Variants in PIGL observed in about 807,000 individuals in gnomAD.
PIGL encodes phosphatidylinositol glycan anchor biosynthesis class L.
In PIGL, 22 loss-of-function variants were observed where a neutral mutation model predicts 31.1. That is an observed-to-expected ratio of 0.71 (90% confidence interval 0.51 to 1.01). The LOEUF is 1.01. Ranked by LOEUF, PIGL falls within the 50% of genes least tolerant of loss-of-function variation. PIGL has a pLI of 0.00. For missense variants in PIGL, 302 were observed against 315.9 expected (o/e 0.96, Z 0.33); for synonymous variants, 131 against 117.4 (o/e 1.12, Z -0.75).
chr17:16,235,395 C>T (rs2092695280), intron 2 of PIGL, among the ~76,000 whole-genome samples: 1 of 148,618 alleles, frequency 6.7e-6, no homozygotes, highest in South Asian at 2.1e-4. Context: ...GAATGTCCTG[C>T]ATTCTGGATT....
chr17:16,222,366 A>G (rs2142637483), intron 1 of PIGL, among the ~76,000 whole-genome samples: 1 of 152,124 alleles, frequency 6.6e-6, no homozygotes, highest in African/African-American at 2.4e-5. Flanking sequence ...TTGCATGAAT[A>G]ATTCATTCTA....
chr17:16,238,795 G>A (rs1379627056), intron 2 of PIGL, among the ~76,000 whole-genome samples: 1 of 149,774 alleles, frequency 6.7e-6, no homozygotes, highest in Non-Finnish European at 1.5e-5. Flanking sequence ...TGTAATCCCA[G>A]CTACTCATGA....
intron 2 of PIGL, among the ~76,000 whole-genome samples, chr17:16,265,495 C>A (rs1179521706): frequency 6.6e-6 from 1 of 152,108 alleles, no homozygotes. Flanking sequence ...GTAATCCCAG[C>A]ACTTTGGGAG....
chr17:16,317,589 C>G (rs1214637355), intron 5 of PIGL, 186 bp from the exon 6 acceptor site: 12 of 1,402,074 alleles, frequency 8.6e-6, no homozygotes. Context: ...TTCTATGGCC[C>G]TTTTACTCGT....
intron 2 of PIGL, among the ~76,000 whole-genome samples, chr17:16,297,934 C>A (rs1013972709): frequency 6.6e-6 from 1 of 152,194 alleles, no homozygotes; most frequent in Non-Finnish European, 1.5e-5. Context: ...GGCAAGCAAG[C>A]ATTACTGCCT....
At chr17:16,313,647 GGTTT>G in intron 4 of PIGL, 33 bp downstream of exon 4, 1 of 1,541,470 alleles carries the variant, frequency 6.5e-7, no homozygotes, top group Non-Finnish European at 9.0e-7. Flanking sequence ...TGTGGGGGAG[GGTTT>G]GTTTATTTGA....
chr17:16,277,145 T>C (rs1003029055), intron 2 of PIGL, among the ~76,000 whole-genome samples: 3 of 152,162 alleles, frequency 2.0e-5, no homozygotes, highest in African/African-American at 7.2e-5. Context: ...AGGGACTACG[T>C]AGACAATGTA....
chr17:16,246,036 G>A (rs1007817071), intron 2 of PIGL, among the ~76,000 whole-genome samples: 1 of 150,590 alleles, frequency 6.6e-6, no homozygotes, highest in Non-Finnish European at 1.5e-5. Context: ...TGTTAGCCAG[G>A]ATGGTCTTGA....
chr17:16,260,128 T>C (rs1249987059), intron 2 of PIGL, among the ~76,000 whole-genome samples: 1 of 152,196 alleles, frequency 6.6e-6, no homozygotes, highest in Non-Finnish European at 1.5e-5. Flanking sequence ...GAGGGGGTGC[T>C]GAGGGCAGCT....
rs189152916 is a variant in PIGL at position 16,240,164 on chromosome 17, C to G, written c.335+6094C>G. The stretch of plus-strand genomic sequence containing the variant: ...TCTGCTTGTTTAGAAGTGTATAGTA[C>G]TTCCTCCCTCTCTCTCTTGCTCCTG... On this transcript the variant is annotated intron_variant, in intron 2 of 6. Coordinates refer to ENST00000225609, the MANE Select transcript of PIGL (RefSeq NM_004278.4). 2.2e-3 allele frequency among the ~76,000 whole-genome samples: 338 copies of G among 152,212 alleles called. 4 individuals are homozygous for G. The highest frequency in any genetic ancestry group is 6.3e-4 in the Non-Finnish European group (43 of 68,016).
intron 4 of PIGL, among the ~76,000 whole-genome samples, chr17:16,316,429 G>C (rs896190123): frequency 6.6e-6 from 1 of 152,240 alleles, no homozygotes; most frequent in African/African-American, 2.4e-5. Flanking sequence ...GCTTGGACCA[G>C]AGTACTTCAC....
At chr17:16,276,056 G>C (rs905732185) in intron 2 of PIGL, among the ~76,000 whole-genome samples, 1 of 152,060 alleles carries the variant, frequency 6.6e-6, no homozygotes, top group African/African-American at 2.4e-5. Flanking sequence ...ATTATGGTGA[G>C]GGCCATTTAT....
intron 2 of PIGL, among the ~76,000 whole-genome samples, chr17:16,254,623 G>A (rs2092786388): frequency 6.7e-6 from 1 of 149,260 alleles, no homozygotes; most frequent in South Asian, 2.1e-4. Flanking sequence ...TGTTTTTTTT[G>A]AGATAGAGTC....
intron 2 of PIGL, among the ~76,000 whole-genome samples, chr17:16,278,534 C>A (rs1361197297): frequency 6.6e-6 from 1 of 152,174 alleles, no homozygotes; most frequent in African/African-American, 2.4e-5. Flanking sequence ...CTCTGTTGTG[C>A]TTTTATTCCA....
intron 2 of PIGL, among the ~76,000 whole-genome samples, chr17:16,244,466 C>T (rs1264631007): frequency 6.6e-6 from 1 of 152,164 alleles, no homozygotes; most frequent in Non-Finnish European, 1.5e-5. Flanking sequence ...CTCAGGCACT[C>T]CATTTGCACA....
chr17:16,231,005 C>T (rs530275689), intron 1 of PIGL, among the ~76,000 whole-genome samples: 2 of 150,154 alleles, frequency 1.3e-5, no homozygotes, highest in South Asian at 2.1e-4. Flanking sequence ...TAAAACTTCC[C>T]GGGTTGGAGT....
At chr17:16,232,083 G>A (rs140547096) in intron 1 of PIGL, among the ~76,000 whole-genome samples, 13 of 152,156 alleles carry the variant, frequency 8.5e-5, no homozygotes, top group African/African-American at 2.4e-4. Flanking sequence ...TTCAAGACCA[G>A]CCTGGCCAAC....
intron 3 of PIGL, among the ~76,000 whole-genome samples, chr17:16,311,102 G>C (rs2093047417): frequency 6.6e-6 from 1 of 152,098 alleles, no homozygotes; most frequent in African/African-American, 2.4e-5. Context: ...TCCCTTCCCA[G>C]CCCATTCCAA....
At chr17:16,264,042 T>C (rs2092830884) in intron 2 of PIGL, among the ~76,000 whole-genome samples, 1 of 115,054 alleles carries the variant, frequency 8.7e-6, no homozygotes, top group African/African-American at 3.5e-5. Context: ...TGAGACAGTC[T>C]CATTCTGTTG....
Sources: allele counts gnomAD v4.1 joint callset (sites outside exome capture counted in the v4.1 genomes callset), GRCh38; gene constraint gnomAD v4.1.1; transcripts MANE v1.5; gene names NCBI Gene and HGNC (gene_info 2026-07-23, HGNC 2026-07-21).